WBP2: variants seen among roughly 807,000 people sequenced by gnomAD.
WBP2 encodes the protein WW domain-binding protein 2.
A neutral mutation model predicts 33.0 loss-of-function variants in WBP2; 23 were observed. The observed-to-expected ratio is 0.70, with a 90% CI of 0.50 to 0.99. WBP2 has a LOEUF of 0.99. Ranked by LOEUF, WBP2 falls within the 50% of genes least tolerant of loss-of-function variation. The pLI, the probability that WBP2 is intolerant of heterozygous loss-of-function variation, is 0.00. For synonymous variants in WBP2, 153 were observed against 133.5 expected, an observed-to-expected ratio of 1.15 and a Z score of -1.01; for missense variants, 353 against 358.0, an observed-to-expected ratio of 0.99 and a Z score of 0.11.
Position 75,848,660 on chromosome 17 carries a change from C to T in WBP2, c.307G>A (p.Gly103Ser). Residue 103 changes from glycine to serine, a missense_variant and splice_region_variant, in exon 4 of 8, where the codon GGC becomes AGC. Gly to Ser is a moderately conservative substitution (Grantham distance 56, BLOSUM62 0). Transcript: ENST00000254806. Reference protein sequence around the residue: ...KGTVKAEAGGGWEGSASYKLT... With the variant: ...KGTVKAEAGGSWEGSASYKLT... ...TTGTAGGAAGCAGAGCCTTCCCAGCCACCTGAAAGGGGAAGGACAGTGAAT... is the reference window on the plus strand; with the variant it reads ...TTGTAGGAAGCAGAGCCTTCCCAGCTACCTGAAAGGGGAAGGACAGTGAAT... 6.2e-7 allele frequency: 1 copy of T among 1,613,302 alleles called. No individual in the cohort carries two copies. The highest frequency in any genetic ancestry group is 8.5e-7 in the Non-Finnish European group (1 of 1,179,564).
intron 4 of WBP2, chr17:75,848,173 C>G: frequency 1.6e-6 from 1 of 611,548 alleles, no homozygotes; most frequent in Non-Finnish European, 2.9e-6. Flanking sequence ...GGAGGGTGGA[C>G]AGAGGCCGGG....
At chr17:75,849,381 C>T in intron 3 of WBP2, 3 of 552,878 alleles carry the variant, frequency 5.4e-6, no homozygotes, top group Admixed American at 3.1e-5. Flanking sequence ...CAGGCTTCTG[C>T]AGACTTCACG....
Position 75,846,647 on chromosome 17 carries a change from CCCCCT to C in WBP2, c.*82_*86del. 2.1e-6 allele frequency: 3 copies of C among 1,429,850 alleles called. No individual in the cohort carries two copies. The highest frequency in any genetic ancestry group is 2.9e-6 in the Non-Finnish European group (3 of 1,046,252). The allele number at this position is 1,429,850 out of a possible 1,614,324, so 88.6% of individuals were successfully genotyped here. On this transcript the variant is annotated 3_prime_UTR_variant, in exon 8 of 8. Transcript: ENST00000254806. The surrounding 1 kb of genome is among the most constrained non-coding windows in gnomAD (Gnocchi z 4.8). The stretch of plus-strand genomic sequence containing the variant: ...TCAGACCTGGAGGGAGAACAAGGCG[CCCCCT>C]CCCCTCCCCAAGCCCCAGCACAGCC...
chr17:75,846,593 C>T lies in WBP2; in HGVS notation c.*141G>A, dbSNP rs915096513. ...CGAGGCCGGGGGCCCTAATGTCCCA[C>T]AATGCTAGTTCCTGGTAATTGTTTA... On this transcript the variant is annotated 3_prime_UTR_variant, in exon 8 of 8. Transcript: ENST00000254806. The surrounding 1 kb of genome is among the most constrained non-coding windows in gnomAD (Gnocchi z 4.8). The T allele has an allele frequency of 8.9e-7, 1 of 1,129,110 alleles. No homozygotes were observed. Among genetic ancestry groups the T allele is most frequent in the Non-Finnish European group, 1.3e-6 (1 of 769,670 alleles). The allele number at this position is 1,129,110 out of a possible 1,614,324, so 69.9% of individuals were successfully genotyped here. A position where few individuals can be genotyped will look rare whatever the true frequency, so the allele number is the denominator to read the frequency against.
chr17:75,855,548 G>T, upstream of WBP2: 1 of 549,176 alleles, frequency 1.8e-6, no homozygotes, highest in Non-Finnish European at 3.3e-6. Flanking sequence ...CTGTCCCTAT[G>T]CTGGAGGAAG....
rs145259707 is a variant in WBP2, at chr17:75,852,605, G to A, written c.60-929C>T. 2.6e-3 allele frequency: 416 copies of A among 162,524 alleles called. 1 individual carries two copies. The highest frequency in any genetic ancestry group is 9.3e-3 in the African/African-American group (387 of 41,644). 10.1% of individuals were successfully genotyped at this position (162,524 alleles called of 1,614,324 possible). The stretch of plus-strand genomic sequence containing the variant: ...CAAGTAGCTGGGACTACAGGCGCCC[G>A]CCACCACGACTGGCTAATTTTTTGT... On this transcript the variant is annotated intron_variant, in intron 1 of 7. Transcript: ENST00000254806.
intron 1 of WBP2, among the ~76,000 whole-genome samples, chr17:75,853,082 TTGCCCAGGC>T (rs1382787823): frequency 5.9e-5 from 9 of 152,196 alleles, no homozygotes; most frequent in African/African-American, 2.2e-4. Flanking sequence ...TTCACTCTTG[TTGCCCAGGC>T]TGCAGTGCAA....
At chr17:75,848,796 G>A in intron 3 of WBP2, 134 bp from the exon 4 acceptor site, 2 of 746,018 alleles carry the variant, frequency 2.7e-6, no homozygotes, top group South Asian at 3.1e-5. Flanking sequence ...CTGTGATGGG[G>A]ACTTCCTGGT....
intron 3 of WBP2, chr17:75,848,942 A>C: frequency 2.0e-6 from 1 of 492,780 alleles, no homozygotes; most frequent in Non-Finnish European, 3.7e-6. Flanking sequence ...TTGGCCCAAT[A>C]TGTACACGGG....
At chr17:75,851,713 G>C (rs1022155582) in intron 1 of WBP2, 37 bp from the exon 2 acceptor site, 1 of 1,530,540 alleles carries the variant, frequency 6.5e-7, no homozygotes. Flanking sequence ...CAATGAGACA[G>C]TATGGAGACG....
rs138426320 is a variant in WBP2, at chr17:75,848,593, C to A, written c.374G>T (p.Arg125Leu). Residue 125 changes from arginine to leucine, a missense_variant, in exon 4 of 8, where the codon CGG becomes CTG. Physicochemically the swap from Arg to Leu is moderately radical, Grantham distance 102. Coordinates refer to ENST00000254806, the MANE Select transcript of WBP2 (RefSeq NM_012478.4). Reference sequence around the variant, plus strand: ...ACCTTGAGATGCCACCTGGAGCATCCGCTGTCCGAACTCAATGGCGCCCCC... The same window carrying A: ...ACCTTGAGATGCCACCTGGAGCATCAGCTGTCCGAACTCAATGGCGCCCCC... ...TAGGAIEFGQ[R>L]MLQVASQASR... 6.2e-7 allele frequency: 1 copy of A among 1,613,818 alleles called. No homozygotes were observed. The highest frequency in any genetic ancestry group is 1.3e-5 in the African/African-American group (1 of 74,906).
At chr17:75,848,465 T>C (rs993771841) in intron 4 of WBP2, 105 bp downstream of exon 4, 17 of 1,090,926 alleles carry the variant, frequency 1.6e-5, no homozygotes, top group Admixed American at 4.0e-5. Context: ...CCCAAACACT[T>C]ACCTCTTGAG....
chr17:75,852,821 C>G (rs1416620092), intron 1 of WBP2: 1 of 983,126 alleles, frequency 1.0e-6, no homozygotes, highest in Admixed American at 6.2e-5. Context: ...TTTTTCAAGC[C>G]TAAAATATAA....
intron 4 of WBP2, 28 bp from the exon 5 acceptor site, chr17:75,847,958 A>C: frequency 6.4e-7 from 1 of 1,558,484 alleles, no homozygotes; most frequent in Non-Finnish European, 8.7e-7. Context: ...AAGAGAAATG[A>C]GCGTGGCCTG....
rs1365169877 is a variant in WBP2 at position 75,847,900 on chromosome 17, T to C, written c.428A>G (p.Tyr143Cys). 5 of 1,561,166 alleles carry C rather than the reference T, an allele frequency of 3.2e-6. No individual in the cohort carries two copies. The highest frequency in any genetic ancestry group is 3.5e-6 in the Non-Finnish European group (4 of 1,152,664). Residue 143 changes from tyrosine (Y) to cysteine (C), a missense_variant, in exon 5 of 8, where the codon TAT becomes TGT. Tyr to Cys is a radical substitution (Grantham distance 194, BLOSUM62 -2). Transcript: ENST00000254806. ...ASRGEVPSGA[Y>C]GYSYMPSGAY... ...CCCGCTGGGCATGTAAGAGTAGCCATAGGCTCCACTGGGGACTTCACCTCT... is the reference window on the plus strand; with the variant it reads ...CCCGCTGGGCATGTAAGAGTAGCCACAGGCTCCACTGGGGACTTCACCTCT...
chr17:75,848,057 C>G, intron 4 of WBP2, 127 bp from the exon 5 acceptor site: 1 of 1,260,670 alleles, frequency 7.9e-7, no homozygotes, highest in Non-Finnish European at 1.1e-6. Flanking sequence ...CTCTGTCCAT[C>G]CCACTCCACC....
Position 75,855,230 on chromosome 17 carries a change from T to A in WBP2, c.59+9A>T. The stretch of plus-strand genomic sequence containing the variant: ...TTGGTCCTCCAGGATCCTTCCGCAG[T>A]GTTTTCACCTCTCGGTGTTATTGAC... On this transcript the variant is annotated intron_variant, in intron 1 of 7. Transcript: ENST00000254806. The A allele has an allele frequency of 1.9e-6, 3 of 1,600,550 alleles. No individual in the cohort carries two copies. Among genetic ancestry groups the A allele is most frequent in the Non-Finnish European group, 2.6e-6 (3 of 1,175,028 alleles).
upstream of WBP2, chr17:75,856,389 C>A (rs898348055): frequency 1.3e-5 from 2 of 152,222 alleles, no homozygotes; most frequent in Non-Finnish European, 2.9e-5. Flanking sequence ...CTGTGGTGGC[C>A]AACCTCTAGA....
At chr17:75,854,416 T>G (rs1384649217) in intron 1 of WBP2, among the ~76,000 whole-genome samples, 3 of 152,150 alleles carry the variant, frequency 2.0e-5, no homozygotes, top group African/African-American at 7.2e-5. Flanking sequence ...AAGGCTTCTC[T>G]TGGCAGAGAC....
Sources: allele counts gnomAD v4.1 joint callset (sites outside exome capture counted in the v4.1 genomes callset), GRCh38; gene constraint gnomAD v4.1.1; non-coding constraint Gnocchi (gnomAD v3.1); transcripts MANE v1.5; gene names NCBI Gene and HGNC (gene_info 2026-07-23, HGNC 2026-07-21).